SLC35A3: variants seen among roughly 807,000 people sequenced by gnomAD.
SLC35A3 encodes the protein UDP-N-acetylglucosamine transporter.
Under a neutral mutation model 39.0 loss-of-function variants are expected in SLC35A3, and 26 were observed. The ratio of observed to expected loss-of-function variants is 0.67; its 90% confidence interval spans 0.49 to 0.92. The LOEUF is 0.92. Ranked by LOEUF, SLC35A3 falls within the 40% of genes least tolerant of loss-of-function variation. SLC35A3 has a pLI of 0.00. For missense variants in SLC35A3, 299 were observed against 371.6 expected (o/e 0.80, Z 1.61); for synonymous variants, 135 against 133.1 (o/e 1.01, Z -0.10).
At chr1:100,009,673 G>A (rs1032762682) in intron 4 of SLC35A3, 10 of 152,314 alleles carry the variant, frequency 6.6e-5, no homozygotes, top group Admixed American at 6.5e-4. Flanking sequence ...GGATTGGAAT[G>A]TCCCACAGCA....
intron 1 of SLC35A3, among the ~76,000 whole-genome samples, chr1:99,980,944 G>A (rs1657417654): frequency 6.6e-6 from 1 of 152,156 alleles, no homozygotes; most frequent in African/African-American, 2.4e-5. Flanking sequence ...ACAAGATATT[G>A]TTGCTCTTCT....
Position 100,031,336 on chromosome 1 carries a change from A to G in SLC35A3, c.*8860A>G, listed in dbSNP as rs1483177750. 6.6e-6 allele frequency: 1 copy of G among 152,194 alleles called. No individual in the cohort carries two copies. The highest frequency in any genetic ancestry group is 1.5e-5 in the Non-Finnish European group (1 of 68,026). The allele number at this position is 152,194 out of a possible 1,614,324, so 9.4% of individuals were successfully genotyped here. A position where few individuals can be genotyped will look rare whatever the true frequency, so the allele number is the denominator to read the frequency against. On this transcript the variant is annotated 3_prime_UTR_variant, in exon 8 of 8. Coordinates refer to ENST00000533028, the MANE Select transcript of SLC35A3 (RefSeq NM_012243.3). ...ATTAACATTTTGCCACACTAGCTTT[A>G]TCTCTGTTGGGACACTTTACCCCTA...
chr1:99,998,155 CTTT>C (rs544309699), intron 2 of SLC35A3, among the ~76,000 whole-genome samples: 6 of 133,670 alleles, frequency 4.5e-5, no homozygotes, highest in Non-Finnish European at 3.3e-5. Flanking sequence ...AGTCACATTT[CTTT>C]TTTTTTTTTT....
chr1:100,028,944 C>T lies in SLC35A3; in HGVS notation c.*6468C>T, dbSNP rs1374064734. On this transcript the variant is annotated 3_prime_UTR_variant, in exon 8 of 8. Coordinates refer to ENST00000533028, the MANE Select transcript of SLC35A3 (RefSeq NM_012243.3). ...ACATAAAACAGAGTCTAGGAGTGGT[C>T]CAAACTTGAGGCTTTCGGTGTCCTT... 6.6e-6 allele frequency: 1 copy of T among 152,264 alleles called. No individual in the cohort carries two copies. The highest frequency in any genetic ancestry group is 1.5e-5 in the Non-Finnish European group (1 of 68,094). 9.4% of individuals were successfully genotyped at this position (152,264 alleles called of 1,614,324 possible). A position where few individuals can be genotyped will look rare whatever the true frequency, so the allele number is the denominator to read the frequency against.
intron 1 of SLC35A3, among the ~76,000 whole-genome samples, chr1:99,975,987 T>C (rs1165987934): frequency 6.6e-6 from 1 of 152,006 alleles, no homozygotes; most frequent in African/African-American, 2.4e-5. Flanking sequence ...CTGAGCCCAG[T>C]AGGTTGAGGC....
intron 1 of SLC35A3, among the ~76,000 whole-genome samples, chr1:99,982,369 G>T (rs1005213309): frequency 3.3e-5 from 5 of 152,054 alleles, no homozygotes; most frequent in Non-Finnish European, 5.9e-5. Context: ...TTAGAACTTG[G>T]TGTAGATCTG....
At chr1:99,972,254 A>C (rs957117057) in intron 1 of SLC35A3, among the ~76,000 whole-genome samples, 2 of 151,630 alleles carry the variant, frequency 1.3e-5, no homozygotes, top group African/African-American at 4.8e-5. Flanking sequence ...ACACTTGTTA[A>C]ATTTGCATTG....
intron 4 of SLC35A3, 150 bp from the exon 5 acceptor site, chr1:100,011,215 T>G (rs929920638): frequency 1.5e-5 from 6 of 400,968 alleles, no homozygotes; most frequent in African/African-American, 2.1e-5. Context: ...AATCAAATGA[T>G]TGTAAGGTTT....
At chr1:99,974,939 C>T (rs190501388) in intron 1 of SLC35A3, 1 of 151,858 alleles carries the variant, frequency 6.6e-6, no homozygotes, top group Non-Finnish European at 1.5e-5. Context: ...CCAGTTTTGA[C>T]CTGCATTTGT....
At chr1:99,987,866 A>G (rs577364283) in intron 1 of SLC35A3, among the ~76,000 whole-genome samples, 1 of 152,336 alleles carries the variant, frequency 6.6e-6, no homozygotes, top group African/African-American at 2.4e-5. Flanking sequence ...GGTGAAGAAT[A>G]GACTAACAGA....
At chr1:99,985,658 G>T (rs1287542162) in intron 1 of SLC35A3, among the ~76,000 whole-genome samples, 1 of 152,180 alleles carries the variant, frequency 6.6e-6, no homozygotes, top group African/African-American at 2.4e-5. Context: ...GCTTTTGGCA[G>T]TATGGTCATT....
At chr1:99,977,169 A>T (rs561560415) in intron 1 of SLC35A3, among the ~76,000 whole-genome samples, 1 of 152,094 alleles carries the variant, frequency 6.6e-6, no homozygotes, top group East Asian at 1.9e-4. Flanking sequence ...ATTGTTCTTG[A>T]TTACCCTTCT....
In SLC35A3 at chr1:100,022,611, A is replaced by G. The variant is rs1442609600; in HGVS notation, c.*135A>G. 8 of 471,254 alleles carry G rather than the reference A, an allele frequency of 1.7e-5. No individual in the cohort carries two copies. The East Asian group carries it at 2.7e-4, about 16-fold the overall frequency. The allele number at this position is 471,254 out of a possible 1,614,324, so 29.2% of individuals were successfully genotyped here. On this transcript the variant is annotated 3_prime_UTR_variant, in exon 8 of 8. Transcript: ENST00000533028. ...TGATCATACTGTTTTTTAAAAGTTT[A>G]AGGATAAGACATGTGTATATGTAAC...
Position 100,027,103 on chromosome 1 carries a change from C to CT in SLC35A3, c.*4628dup. 1 of 398,322 alleles carries CT rather than the reference C, an allele frequency of 2.5e-6. No individual in the cohort carries two copies. The highest frequency in any genetic ancestry group is 4.4e-6 in the Non-Finnish European group (1 of 226,020). The allele number at this position is 398,322 out of a possible 1,614,324, so 24.7% of individuals were successfully genotyped here. On this transcript the variant is annotated 3_prime_UTR_variant, in exon 8 of 8. Transcript: ENST00000533028. ...CTTTTTCTCTGGCTCTGTAGTATCT[C>CT]TATCACTGTCACATGTGATCTTTCT...
Position 99,973,975 on chromosome 1 carries a change from A to G in SLC35A3, c.-19+3813A>G, listed in dbSNP as rs1004033104. On this transcript the variant is annotated intron_variant, in intron 1 of 7. Transcript: ENST00000533028. ...GGTTGCAGTGAGCCAAAATCGCTCC[A>G]TTGCACTCCAGCCTGGGCGACAGAG... 9.4e-5 allele frequency among the ~76,000 whole-genome samples: 14 copies of G among 149,052 alleles called. 1 individual carries two copies. Among genetic ancestry groups the G allele is most frequent in the African/African-American group, 1.3e-4 (5 of 40,000 alleles).
chr1:99,990,164 T>C (rs971675848), intron 1 of SLC35A3, among the ~76,000 whole-genome samples: 10 of 152,226 alleles, frequency 6.6e-5, no homozygotes, highest in Non-Finnish European at 1.2e-4. Context: ...ACAGTTTTTT[T>C]CCTATGCCTT....
intron 3 of SLC35A3, among the ~76,000 whole-genome samples, chr1:100,004,409 A>C (rs548738816): frequency 2.6e-5 from 4 of 152,132 alleles, no homozygotes; most frequent in Admixed American, 6.5e-5. Flanking sequence ...GGCTCAAGCC[A>C]TCTTCCCTCA....
In SLC35A3 at chr1:100,030,304, G is replaced by C. The variant is rs567304400; in HGVS notation, c.*7828G>C. The C allele has an allele frequency of 6.6e-6, 1 of 152,154 alleles. No homozygotes were observed. The highest frequency in any genetic ancestry group is 1.5e-5 in the Non-Finnish European group (1 of 68,042). 9.4% of individuals were successfully genotyped at this position (152,154 alleles called of 1,614,324 possible). ...ATTTTAAAGGTAGAACTCACTGCAG[G>C]TTTAAAAGAATAATGAATATTGTTA... On this transcript the variant is annotated 3_prime_UTR_variant, in exon 8 of 8. Transcript: ENST00000533028.
chr1:99,998,717 T>TA (rs1473693888), intron 2 of SLC35A3, among the ~76,000 whole-genome samples: 1 of 152,228 alleles, frequency 6.6e-6, no homozygotes, highest in Admixed American at 6.5e-5. Context: ...CCTGAGTCTC[T>TA]ATAAAAGCTT....
Sources: gnomAD v4.1 joint callset for allele counts (sites outside exome capture counted in the v4.1 genomes callset) on GRCh38, gnomAD v4.1.1 for gene constraint, MANE v1.5 for transcripts, NCBI Gene and HGNC (gene_info 2026-07-23, HGNC 2026-07-21) for gene names.